Variants in FSTL4 observed in about 807,000 individuals in gnomAD.
FSTL4 encodes follistatin-related protein 4.
A neutral mutation model predicts 78.2 loss-of-function variants in FSTL4; 28 were observed. That is an observed-to-expected ratio of 0.36 (90% CI 0.27 to 0.49). FSTL4 has a LOEUF of 0.49. Among genes scored for constraint, FSTL4 ranks in the 20% least tolerant of loss-of-function variants. The probability of loss-of-function intolerance (pLI) is 0.98; values close to 1 mark genes in which losing one functional copy is unlikely to be tolerated. For synonymous variants in FSTL4, 422 were observed against 440.5 expected (o/e 0.96, Z 0.53); for missense variants, 922 against 1,084.9 (o/e 0.85, Z 2.11).
At chr5:133,650,865 GTCTT>G in the FSTL4 span, among the ~76,000 whole-genome samples, 1 of 152,128 alleles carries the variant, frequency 6.6e-6, no homozygotes, top group African/African-American at 2.4e-5. Context: ...ACTATGTTGA[GTCTT>G]TCTATCCAGG....
chr5:133,269,610 T>C (rs1254452906), intron 6 of FSTL4, among the ~76,000 whole-genome samples: 2 of 152,260 alleles, frequency 1.3e-5, no homozygotes, highest in Non-Finnish European at 2.9e-5. Context: ...ACTTGGGTTC[T>C]GGAGTTTTTC....
At chr5:133,583,219 T>C (rs1325177085) in intron 2 of FSTL4, 1 of 455,372 alleles carries the variant, frequency 2.2e-6, no homozygotes, top group Admixed American at 2.4e-5. Flanking sequence ...GTAACCACAG[T>C]TGGTATCACA....
At chr5:133,620,150 G>A in the FSTL4 span, among the ~76,000 whole-genome samples, 67 of 152,280 alleles carry the variant, frequency 4.4e-4, no homozygotes, top group Non-Finnish European at 8.2e-4. Flanking sequence ...AGTGCCTCAA[G>A]TGTAGGCAAA....
chr5:133,540,550 C>A (rs2112918134), intron 3 of FSTL4, among the ~76,000 whole-genome samples: 1 of 152,026 alleles, frequency 6.6e-6, no homozygotes, highest in African/African-American at 2.4e-5. Flanking sequence ...AGGTACCCCT[C>A]ATGGATTTTC....
intron 3 of FSTL4, among the ~76,000 whole-genome samples, chr5:133,527,494 CACACA>C (rs779230373): frequency 2.3e-4 from 34 of 150,716 alleles, no homozygotes; most frequent in East Asian, 3.9e-4. Context: ...CACACACACA[CACACA>C]CACCCATAAG....
chr5:133,783,666 G>A, the FSTL4 span, among the ~76,000 whole-genome samples: 15 of 152,226 alleles, frequency 9.9e-5, no homozygotes, highest in Non-Finnish European at 2.2e-4. Context: ...CAAAATGGCT[G>A]AGCCAGCTGG....
intron 6 of FSTL4, among the ~76,000 whole-genome samples, chr5:133,296,588 G>A (rs899821391): frequency 3.3e-5 from 5 of 152,152 alleles, no homozygotes; most frequent in Non-Finnish European, 7.4e-5. Context: ...CAGTGACTGC[G>A]TGGCGAGTGC....
chr5:133,429,190 C>T (rs144659026), intron 3 of FSTL4, among the ~76,000 whole-genome samples: 73 of 152,282 alleles, frequency 4.8e-4, no homozygotes, highest in Admixed American at 7.8e-4. Flanking sequence ...GCTCGTAGGA[C>T]GCCCACAGCC....
Position 133,603,844 on chromosome 5 carries a change from G to A in FSTL4, c.126+14C>T, listed in dbSNP as rs751715200. On this transcript the variant is annotated intron_variant, in intron 2 of 15. Transcript: ENST00000265342. ...TCAGTTTGAAATGTTATGTCCGCAG[G>A]GATTTGACTATACCTCTGCCTGTGA... 2.5e-6 allele frequency: 4 copies of A among 1,613,128 alleles called. No homozygotes were observed. In the East Asian group the frequency reaches 6.7e-5, roughly 27 times the overall value.
intron 3 of FSTL4, among the ~76,000 whole-genome samples, chr5:133,438,509 C>T (rs1757084218): frequency 6.6e-6 from 1 of 152,188 alleles, no homozygotes; most frequent in African/African-American, 2.4e-5. Context: ...AATTTAGGGA[C>T]ACATGTACAT....
chr5:133,439,947 T>C (rs1011334912), intron 3 of FSTL4, among the ~76,000 whole-genome samples: 2 of 152,174 alleles, frequency 1.3e-5, no homozygotes, highest in Non-Finnish European at 2.9e-5. Flanking sequence ...GTGGACACCC[T>C]GGGAGGGGTC....
At chr5:133,670,888 A>G in the FSTL4 span, among the ~76,000 whole-genome samples, 2 of 152,128 alleles carry the variant, frequency 1.3e-5, no homozygotes, top group Non-Finnish European at 2.9e-5. Flanking sequence ...CTCCAATTCC[A>G]TATCTACACC....
intron 4 of FSTL4, among the ~76,000 whole-genome samples, chr5:133,363,213 C>A (rs76485421): frequency 0.018 from 2,770 of 152,252 alleles, 97 homozygotes; most frequent in African/African-American, 0.064. Context: ...GTACAAATTA[C>A]CTCATGGTTA....
chr5:133,653,882 G>T, the FSTL4 span, among the ~76,000 whole-genome samples: 1 of 152,342 alleles, frequency 6.6e-6, no homozygotes, highest in South Asian at 2.1e-4. Context: ...ATTGTTAAAG[G>T]CAGTCTGCAG....
chr5:133,612,778 C>T (rs1007056552), upstream of FSTL4, among the ~76,000 whole-genome samples: 1 of 152,072 alleles, frequency 6.6e-6, no homozygotes, highest in Non-Finnish European at 1.5e-5. The surrounding 1 kb of genome is among the most constrained non-coding windows in gnomAD (Gnocchi z 6.2). Flanking sequence ...TGGAGCTCGG[C>T]AAGTGACAGC....
chr5:133,659,402 A>G, the FSTL4 span, among the ~76,000 whole-genome samples: 1 of 151,976 alleles, frequency 6.6e-6, no homozygotes, highest in Non-Finnish European at 1.5e-5. Flanking sequence ...TTCTGATACT[A>G]AAATTTCTAT....
intron 3 of FSTL4, among the ~76,000 whole-genome samples, chr5:133,449,046 G>T (rs1019504511): frequency 1.3e-5 from 2 of 152,106 alleles, no homozygotes; most frequent in African/African-American, 2.4e-5. Flanking sequence ...ATAGACAGGG[G>T]TTGAAAGGGA....
At chr5:133,329,825 C>T (rs940306821) in intron 4 of FSTL4, among the ~76,000 whole-genome samples, 2 of 152,162 alleles carry the variant, frequency 1.3e-5, no homozygotes, top group African/African-American at 4.8e-5. Context: ...CCTGGCATCT[C>T]ATCTGAATTT....
intron 3 of FSTL4, among the ~76,000 whole-genome samples, chr5:133,422,919 G>A (rs377125122): frequency 2.0e-5 from 3 of 152,338 alleles, no homozygotes; most frequent in East Asian, 3.9e-4. Flanking sequence ...AAGTTGTAAT[G>A]TCTTAGAAAC....
Sources: allele counts gnomAD v4.1 joint callset (sites outside exome capture counted in the v4.1 genomes callset), GRCh38; gene constraint gnomAD v4.1.1; non-coding constraint Gnocchi (gnomAD v3.1); transcripts MANE v1.5; gene names NCBI Gene and HGNC (gene_info 2026-07-23, HGNC 2026-07-21).